The following ROBO2 variants were observed in gnomAD, a reference collection of about 807,000 sequenced individuals.
ROBO2 encodes roundabout homolog 2.
Under a neutral mutation model 160.8 loss-of-function variants are expected in ROBO2, and 53 were observed. The observed-to-expected ratio is 0.33, with a 90% CI of 0.26 to 0.41. ROBO2 has a LOEUF of 0.41. Among genes scored for constraint, ROBO2 ranks in the 10% least tolerant of loss-of-function variants. The probability of loss-of-function intolerance (pLI) is 1.00; values close to 1 mark genes in which losing one functional copy is unlikely to be tolerated. For synonymous variants in ROBO2, 664 were observed against 611.7 expected (o/e 1.09, Z -1.26); for missense variants, 1,577 against 1,722.4 (o/e 0.92, Z 1.49).
At chr3:76,185,193 CAGATAT>C (rs920043751) in intron 2 of ROBO2, among the ~76,000 whole-genome samples, 1 of 4,592 alleles carries the variant, frequency 2.2e-4, no homozygotes, top group Non-Finnish European at 1.1e-3. Context: ...TAAGTAAACA[CAGATAT>C]ATATATATAT....
At chr3:76,748,674 G>T (rs2597235) in intron 2 of ROBO2, among the ~76,000 whole-genome samples, 130,609 of 151,870 alleles carry the variant, frequency 0.86, 56,387 homozygotes, top group African/African-American at 0.92. Flanking sequence ...CTAATTGGTG[G>T]TGTGTTTTTA....
At chr3:77,580,166 A>G (rs1009309591) in intron 16 of ROBO2, 48 bp downstream of exon 17, 1 of 1,573,608 alleles carries the variant, frequency 6.4e-7, no homozygotes, top group Non-Finnish European at 8.7e-7. Flanking sequence ...GTCAGCTGAC[A>G]AGGTGGATGA....
intron 2 of ROBO2, among the ~76,000 whole-genome samples, chr3:75,965,348 C>T (rs1370459325): frequency 2.7e-5 from 1 of 36,666 alleles, no homozygotes; most frequent in Non-Finnish European, 8.4e-5. Flanking sequence ...ACTTTAGTGA[C>T]TGATCACTGT....
At chr3:77,155,296 A>T (rs1446806641) in intron 2 of ROBO2, among the ~76,000 whole-genome samples, 1 of 152,176 alleles carries the variant, frequency 6.6e-6, no homozygotes, top group East Asian at 1.9e-4. Context: ...ACTTTAACAT[A>T]GGGAGATTAT....
intron 2 of ROBO2, among the ~76,000 whole-genome samples, chr3:76,358,907 T>G (rs1022649914): frequency 2.0e-5 from 3 of 148,806 alleles, no homozygotes; most frequent in Non-Finnish European, 4.5e-5. Context: ...TATCTCCTAA[T>G]GCTATCCCTC....
intron 2 of ROBO2, among the ~76,000 whole-genome samples, chr3:76,825,869 G>A (rs1006663001): frequency 2.0e-5 from 3 of 151,874 alleles, no homozygotes; most frequent in African/African-American, 7.3e-5. Flanking sequence ...CATTCGTTCC[G>A]TTGAGTTTAC....
At chr3:76,307,665 C>A (rs940396804) in intron 2 of ROBO2, among the ~76,000 whole-genome samples, 29 of 151,932 alleles carry the variant, frequency 1.9e-4, no homozygotes, top group African/African-American at 6.8e-4. Context: ...AAGATCCATG[C>A]GCCCGACTCA....
At chr3:76,416,885 A>G (rs2075779533) in intron 2 of ROBO2, among the ~76,000 whole-genome samples, 1 of 152,200 alleles carries the variant, frequency 6.6e-6, no homozygotes, top group Non-Finnish European at 1.5e-5. Context: ...TTTATGAGCT[A>G]TAGTATTAAA....
intron 2 of ROBO2, among the ~76,000 whole-genome samples, chr3:76,125,328 G>T (rs1181758730): frequency 6.6e-6 from 1 of 152,072 alleles, no homozygotes; most frequent in South Asian, 2.1e-4. Context: ...GTGTCATTTT[G>T]GTAGAGTGAT....
intron 2 of ROBO2, among the ~76,000 whole-genome samples, chr3:76,998,207 T>A (rs2061136132): frequency 6.6e-6 from 1 of 152,132 alleles, no homozygotes; most frequent in African/African-American, 2.4e-5. Context: ...GATTGTTGCT[T>A]ACTTTTGGAG....
At chr3:76,221,761 TTG>T (rs1425361771) in intron 2 of ROBO2, among the ~76,000 whole-genome samples, 1 of 152,160 alleles carries the variant, frequency 6.6e-6, no homozygotes, top group Non-Finnish European at 1.5e-5. Flanking sequence ...CCACACTTTT[TTG>T]TCTTTGAGGT....
At chr3:76,813,298 AT>A (rs2065362159) in intron 2 of ROBO2, among the ~76,000 whole-genome samples, 1 of 152,078 alleles carries the variant, frequency 6.6e-6, no homozygotes, top group African/African-American at 2.4e-5. Flanking sequence ...AGTACTACAC[AT>A]TTACTAATCT....
At chr3:76,082,375 T>C (rs184501794) in intron 2 of ROBO2, among the ~76,000 whole-genome samples, 9 of 152,194 alleles carry the variant, frequency 5.9e-5, no homozygotes, top group African/African-American at 2.2e-4. Flanking sequence ...TTATGCTATA[T>C]GTAGAGATCA....
chr3:77,390,224 T>C (rs1560701879), intron 2 of ROBO2, among the ~76,000 whole-genome samples: 1 of 152,256 alleles, frequency 6.6e-6, no homozygotes, highest in African/African-American at 2.4e-5. Flanking sequence ...GTAGGTAACC[T>C]GTAAATTGGT....
intron 2 of ROBO2, among the ~76,000 whole-genome samples, chr3:76,181,729 G>A (rs1049704777): frequency 2.6e-4 from 39 of 151,826 alleles, no homozygotes; most frequent in African/African-American, 9.0e-4. Flanking sequence ...TAACCTCAGT[G>A]CCATTTTGAC....
At chr3:77,238,587 T>G (rs1336270831) in intron 2 of ROBO2, among the ~76,000 whole-genome samples, 2 of 152,200 alleles carry the variant, frequency 1.3e-5, no homozygotes, top group East Asian at 3.8e-4. Context: ...GAGGAACATT[T>G]ACATTTCTAA....
chr3:76,062,020 T>C (rs1310365430), intron 2 of ROBO2, among the ~76,000 whole-genome samples: 1 of 152,168 alleles, frequency 6.6e-6, no homozygotes, highest in African/African-American at 2.4e-5. Flanking sequence ...ACAATTCTGA[T>C]GTCATTGGGC....
At chr3:76,997,010 ATAAT>A (rs1364406060) in intron 2 of ROBO2, among the ~76,000 whole-genome samples, 1 of 152,178 alleles carries the variant, frequency 6.6e-6, no homozygotes, top group East Asian at 1.9e-4. Flanking sequence ...GTATTAAGAC[ATAAT>A]TAGTGTGTGC....
chr3:76,945,421 T>A (rs990985530), intron 2 of ROBO2, among the ~76,000 whole-genome samples: 2 of 148,618 alleles, frequency 1.3e-5, no homozygotes, highest in African/African-American at 4.8e-5. Flanking sequence ...TGTTAGGATA[T>A]GAATAAATGC....
Sources: gnomAD v4.1 joint callset for allele counts (sites outside exome capture counted in the v4.1 genomes callset) on GRCh38, gnomAD v4.1.1 for gene constraint, MANE v1.5 for transcripts, NCBI Gene and HGNC (gene_info 2026-07-23, HGNC 2026-07-21) for gene names.